Variants in FBXW10 observed in about 807,000 individuals in gnomAD.
The protein encoded by FBXW10 is F-box and WD repeat domain containing 10.
Under a neutral mutation model 113.1 loss-of-function variants are expected in FBXW10, and 68 were observed. The observed-to-expected ratio is 0.60, with a 90% CI of 0.49 to 0.74. The LOEUF is 0.74. Ranked by LOEUF, FBXW10 falls within the 30% of genes least tolerant of loss-of-function variation. The pLI is 0.00. For synonymous variants in FBXW10, 289 were observed against 481.6 expected, an observed-to-expected ratio of 0.60 and a Z score of 5.24; for missense variants, 753 against 1,284.5, an observed-to-expected ratio of 0.59 and a Z score of 6.32.
intron 13 of FBXW10, among the ~76,000 whole-genome samples, chr17:18,775,932 G>A (rs1238498012): frequency 1.3e-5 from 2 of 152,026 alleles, no homozygotes; most frequent in African/African-American, 4.8e-5. Context: ...AGCTGAGGCG[G>A]GAGGATCCTT....
chr17:18,768,780 G>A (rs1337701784), intron 10 of FBXW10, 104 bp downstream of exon 10: 11 of 1,194,682 alleles, frequency 9.2e-6, no homozygotes, highest in African/African-American at 4.5e-5. Flanking sequence ...TGTAGACATC[G>A]TGTTCTCTGC....
intron 2 of FBXW10, 64 bp from the exon 3 acceptor site, chr17:18,749,658 G>C (rs2035117951): frequency 6.2e-7 from 1 of 1,611,338 alleles, no homozygotes; most frequent in Admixed American, 1.7e-5. Context: ...GTGGGGACTT[G>C]TTCTTGGCCT....
intron 5 of FBXW10, among the ~76,000 whole-genome samples, chr17:18,752,437 A>G (rs1260446096): frequency 1.3e-5 from 2 of 152,162 alleles, no homozygotes. Context: ...TTTCTGGGCC[A>G]GGTGCAGCAG....
chr17:18,766,017 G>A (rs2035490566), intron 8 of FBXW10, among the ~76,000 whole-genome samples: 1 of 151,922 alleles, frequency 6.6e-6, no homozygotes, highest in South Asian at 2.1e-4. Flanking sequence ...ATGAGCCACT[G>A]GGCCCGGCAT....
intron 5 of FBXW10, among the ~76,000 whole-genome samples, chr17:18,752,943 G>A (rs1456764410): frequency 6.6e-6 from 1 of 152,162 alleles, no homozygotes; most frequent in Non-Finnish European, 1.5e-5. Context: ...TTCCTTGGGT[G>A]ATACAGTCAG....
intron 1 of FBXW10, chr17:18,744,980 C>T: frequency 5.7e-6 from 8 of 1,415,774 alleles, no homozygotes; most frequent in Non-Finnish European, 7.4e-6. Flanking sequence ...GGAGGAAGTA[C>T]ACAACTTTTA....
chr17:18,744,865 A>T (rs114381083), intron 1 of FBXW10, 116 bp downstream of exon 1: 122,500 of 1,528,462 alleles, frequency 0.08, 5,442 homozygotes, highest in South Asian at 0.12. Context: ...ATTGCACAGA[A>T]CTCAGCATAG....
rs757001235 is a variant in FBXW10 at position 18,750,026 on chromosome 17, C to G, written c.888C>G (p.His296Gln). 1.9e-6 allele frequency: 3 copies of G among 1,614,006 alleles called. No homozygotes were observed. The East Asian group carries it at 6.7e-5, about 36-fold the overall frequency. ...TTTTTCCAGGAATGCTGGATAGACA[C>G]ACCCTGAACAAGTGCGCCTCTGTGA... ...SKYILRMLDRHTLNKCASVSQ... is the reference protein window; with the variant it reads ...SKYILRMLDRQTLNKCASVSQ... Residue 296 changes from histidine to glutamine, a missense_variant, in exon 4 of 14, where the codon CAC becomes CAG. Physicochemically the swap from His to Gln is conservative, Grantham distance 24. Transcript: ENST00000395665.
chr17:18,775,194 TAAG>T lies in FBXW10; in HGVS notation c.2335+7_2335+9del. The T allele has an allele frequency of 6.3e-7, 1 of 1,598,980 alleles. No individual in the cohort carries two copies. Among genetic ancestry groups the T allele is most frequent in the Non-Finnish European group, 8.6e-7 (1 of 1,166,172 alleles). ...AGTCAAAATCACCCCGAAGAGATGG[TAAG>T]AAGAGAGTTTATTCTGTTCATAAGG... On this transcript the variant is annotated splice_donor_5th_base_variant and intron_variant, in intron 13 of 13. Coordinates refer to ENST00000395665, the MANE Select transcript of FBXW10 (RefSeq NM_001267585.2).
At chr17:18,777,818 C>T (rs2035730980) in intron 13 of FBXW10, among the ~76,000 whole-genome samples, 1 of 151,798 alleles carries the variant, frequency 6.6e-6, no homozygotes, top group Admixed American at 6.6e-5. Context: ...GTGGGGATTA[C>T]AGGCGTGAGC....
At chr17:18,765,055 G>T (rs2035467162) in intron 8 of FBXW10, among the ~76,000 whole-genome samples, 192 bp downstream of exon 8, 2 of 151,922 alleles carry the variant, frequency 1.3e-5, no homozygotes, top group African/African-American at 4.8e-5. Flanking sequence ...GCTGTCTGTA[G>T]AATACCTACA....
Position 18,748,117 on chromosome 17 carries a change from T to G in FBXW10, c.670+12T>G. ...AGCATCTAACCCTGGTAAGTGAACTTTCAGCAAGAAAGCCAATATGGGCTA... is the reference window on the plus strand; with the variant it reads ...AGCATCTAACCCTGGTAAGTGAACTGTCAGCAAGAAAGCCAATATGGGCTA... On this transcript the variant is annotated intron_variant, in intron 2 of 13. Transcript: ENST00000395665. 6.2e-7 allele frequency: 1 copy of G among 1,613,706 alleles called. No individual in the cohort carries two copies. The highest frequency in any genetic ancestry group is 2.2e-5 in the East Asian group (1 of 44,836).
At chr17:18,751,521 C>A (rs999737518) in intron 5 of FBXW10, among the ~76,000 whole-genome samples, 2 of 152,314 alleles carry the variant, frequency 1.3e-5, no homozygotes, top group Admixed American at 6.5e-5. Flanking sequence ...TGAGCCACCG[C>A]GCTCAGCCCG....
intron 5 of FBXW10, among the ~76,000 whole-genome samples, chr17:18,753,166 C>G (rs377714384): frequency 1.3e-5 from 2 of 152,180 alleles, no homozygotes; most frequent in East Asian, 3.8e-4. Flanking sequence ...GATAAGACAT[C>G]TAGGGCACAG....
chr17:18,764,736 CT>C lies in FBXW10; in HGVS notation c.1434-5del, dbSNP rs767186893. On this transcript the variant is annotated splice_region_variant and splice_polypyrimidine_tract_variant and intron_variant, in intron 7 of 13. Coordinates refer to ENST00000395665, the MANE Select transcript of FBXW10 (RefSeq NM_001267585.2). ...CTCTCACATTCTTTTGGCCTGATTC[CT>C]GCAGATACTGGGATCTGAAAAGTGG... 1 of 1,613,676 alleles carries C rather than the reference CT, an allele frequency of 6.2e-7. No individual in the cohort carries two copies. Among genetic ancestry groups the C allele is most frequent in the African/African-American group, 1.3e-5 (1 of 74,848 alleles).
chr17:18,770,150 C>T (rs929971550), intron 11 of FBXW10, 65 bp downstream of exon 11: 5 of 1,604,978 alleles, frequency 3.1e-6, no homozygotes, highest in African/African-American at 2.7e-5. Context: ...TTTTTTTCCT[C>T]CCCTGGGATA....
At chr17:18,767,895 C>G (rs980790032) in intron 9 of FBXW10, among the ~76,000 whole-genome samples, 2 of 152,202 alleles carry the variant, frequency 1.3e-5, no homozygotes, top group Non-Finnish European at 2.9e-5. Flanking sequence ...CTGTCCCAAA[C>G]ACAGACCCAC....
intron 1 of FBXW10, among the ~76,000 whole-genome samples, chr17:18,745,589 A>T (rs1236039903): frequency 1.3e-5 from 2 of 151,424 alleles, no homozygotes; most frequent in African/African-American, 4.9e-5. Flanking sequence ...ATTTTTTTGT[A>T]TTTTTTAGTA....
At chr17:18,745,073 G>T in intron 1 of FBXW10, 2 of 1,253,750 alleles carry the variant, frequency 1.6e-6, no homozygotes, top group South Asian at 3.5e-5. Flanking sequence ...TAATGCTGGT[G>T]TCGTTCCTGC....
Sources: allele counts gnomAD v4.1 joint callset (sites outside exome capture counted in the v4.1 genomes callset), GRCh38; gene constraint gnomAD v4.1.1; transcripts MANE v1.5; gene names NCBI Gene and HGNC (gene_info 2026-07-23, HGNC 2026-07-21).